ANTXR1: variants seen among roughly 807,000 people sequenced by gnomAD.
ANTXR1 encodes the protein ANTXR cell adhesion molecule 1.
A neutral mutation model predicts 78.1 loss-of-function variants in ANTXR1; 19 were observed. The observed-to-expected ratio is 0.24, with a 90% CI of 0.17 to 0.36. The LOEUF is 0.36. ANTXR1 is among the 10% of genes least tolerant of loss of function. The pLI, the probability that ANTXR1 is intolerant of heterozygous loss-of-function variation, is 1.00. For missense variants in ANTXR1, 518 were observed against 718.6 expected, an observed-to-expected ratio of 0.72 and a Z score of 3.19; for synonymous variants, 273 against 260.5, an observed-to-expected ratio of 1.05 and a Z score of -0.46.
Position 69,245,829 on chromosome 2 carries a change from G to A in ANTXR1, c.*344G>A. The A allele has an allele frequency of 4.0e-6, 1 of 249,632 alleles. No homozygotes were observed. 15.5% of individuals were successfully genotyped at this position (249,632 alleles called of 1,614,324 possible). On this transcript the variant is annotated 3_prime_UTR_variant, in exon 18 of 18. Transcript: ENST00000303714. ...TTATCTGAAGGTGAAATGCAGAGTT[G>A]GATAAGAAATACATTGCTGGGTTTC... is the stretch of plus-strand genomic sequence containing the variant.
At chr2:69,109,431 A>G (rs1313186622) in intron 10 of ANTXR1, among the ~76,000 whole-genome samples, 2 of 152,224 alleles carry the variant, frequency 1.3e-5, no homozygotes, top group African/African-American at 4.8e-5. Context: ...AAAATGTGGA[A>G]ACTCGCCCTG....
intron 17 of ANTXR1, among the ~76,000 whole-genome samples, chr2:69,228,090 G>T (rs1379873001): frequency 6.6e-6 from 1 of 152,226 alleles, no homozygotes; most frequent in Non-Finnish European, 1.5e-5. Flanking sequence ...AGCCTATTAA[G>T]AAATAAACCA....
intron 12 of ANTXR1, among the ~76,000 whole-genome samples, chr2:69,131,365 A>ATGT (rs1672739381): frequency 6.6e-6 from 1 of 152,216 alleles, no homozygotes; most frequent in African/African-American, 2.4e-5. Context: ...GGAGAGCCAC[A>ATGT]GACTTGTTCA....
chr2:69,043,406 T>C (rs976293244), intron 2 of ANTXR1, among the ~76,000 whole-genome samples: 2 of 152,140 alleles, frequency 1.3e-5, no homozygotes, highest in Non-Finnish European at 2.9e-5. Context: ...CTCAGTAAGG[T>C]TGGCCATTAT....
intron 2 of ANTXR1, among the ~76,000 whole-genome samples, chr2:69,043,741 T>A (rs1459207585): frequency 6.6e-6 from 1 of 152,154 alleles, no homozygotes; most frequent in East Asian, 1.9e-4. Flanking sequence ...GGAAAATAAT[T>A]CTGGGAGCAG....
intron 12 of ANTXR1, among the ~76,000 whole-genome samples, chr2:69,151,557 C>T (rs1409952646): frequency 6.6e-6 from 1 of 152,130 alleles, no homozygotes; most frequent in Non-Finnish European, 1.5e-5. Context: ...GTCTTCAGTG[C>T]CTTCCTCCCT....
In ANTXR1 at chr2:69,246,111, A is replaced by C. The variant is rs966370783; in HGVS notation, c.*626A>C. On this transcript the variant is annotated 3_prime_UTR_variant, in exon 18 of 18. Coordinates refer to ENST00000303714, the MANE Select transcript of ANTXR1 (RefSeq NM_032208.3). ...TCCTTGCAAATTCTTCCAGTTTCCA[A>C]GTGAGAAGGGGAGCAGGTGTTTACT... is the stretch of plus-strand genomic sequence containing the variant. 5.9e-5 allele frequency: 9 copies of C among 152,726 alleles called. No individual in the cohort carries two copies. Among genetic ancestry groups the C allele is most frequent in the Non-Finnish European group, 1.0e-4 (7 of 68,440 alleles). 9.5% of individuals were successfully genotyped at this position (152,726 alleles called of 1,614,324 possible). A position where few individuals can be genotyped will look rare whatever the true frequency, so the allele number is the denominator to read the frequency against.
intron 8 of ANTXR1, among the ~76,000 whole-genome samples, chr2:69,080,721 C>T (rs1670874888): frequency 6.6e-6 from 1 of 152,056 alleles, no homozygotes; most frequent in East Asian, 1.9e-4. Flanking sequence ...AATAACATGG[C>T]CATGAGATTA....
At chr2:69,131,896 A>G (rs915403063) in intron 12 of ANTXR1, among the ~76,000 whole-genome samples, 34 of 152,208 alleles carry the variant, frequency 2.2e-4, no homozygotes, top group African/African-American at 7.7e-4. Flanking sequence ...AACTATAACC[A>G]GCGTTCCCAG....
chr2:69,141,809 G>T (rs375266229), intron 12 of ANTXR1, among the ~76,000 whole-genome samples: 106 of 152,236 alleles, frequency 7.0e-4, no homozygotes, highest in African/African-American at 2.5e-3. Context: ...AGGACCTTAG[G>T]GCATGAAGGC....
intron 3 of ANTXR1, among the ~76,000 whole-genome samples, chr2:69,054,868 G>C (rs1670023715): frequency 2.6e-5 from 4 of 152,180 alleles, no homozygotes; most frequent in Admixed American, 2.0e-4. Context: ...AGTTGTGTGA[G>C]GGCTTGATGG....
In ANTXR1 at chr2:69,044,830, T is replaced by TC; in HGVS notation, c.296+18dup. On this transcript the variant is annotated intron_variant, in intron 3 of 17. Transcript: ENST00000303714. ...AGAAGACAGGTAAGGATACTTCTTA[T>TC]CTCTGTTGTTAAAAAGTCCATCACT... is the stretch of plus-strand genomic sequence containing the variant. 6.2e-7 allele frequency: 1 copy of TC among 1,612,394 alleles called. No individual in the cohort carries two copies. Among genetic ancestry groups the TC allele is most frequent in the Non-Finnish European group, 8.5e-7 (1 of 1,178,544 alleles).
Position 69,029,770 on chromosome 2 carries a change from C to T in ANTXR1, c.153-10274C>T, listed in dbSNP as rs116231755. Among the ~76,000 whole-genome samples the T allele has an allele frequency of 8.3e-3, 1,258 of 151,308 alleles. 16 individuals carry two copies. The highest frequency in any genetic ancestry group is 0.028 in the African/African-American group (1,160 of 41,186). Reference sequence around the variant, plus strand: ...AAAAATTACCTAAAAATATTGACATCGGAATGGAAAATATATGTGAAAAAA... The same window carrying T: ...AAAAATTACCTAAAAATATTGACATTGGAATGGAAAATATATGTGAAAAAA... On this transcript the variant is annotated intron_variant, in intron 1 of 17. Coordinates refer to ENST00000303714, the MANE Select transcript of ANTXR1 (RefSeq NM_032208.3).
chr2:69,182,049 A>G (rs1468801701), intron 15 of ANTXR1, 168 bp downstream of exon 15: 7 of 689,186 alleles, frequency 1.0e-5, no homozygotes, highest in Admixed American at 2.2e-5. Flanking sequence ...ATTGCTGAAA[A>G]CCTCCTTGAG....
intron 3 of ANTXR1, among the ~76,000 whole-genome samples, chr2:69,054,549 T>C (rs548967748): frequency 1.7e-4 from 26 of 152,114 alleles, no homozygotes; most frequent in Non-Finnish European, 2.6e-4. Flanking sequence ...CTTAAGGAGG[T>C]AGAATGGAAG....
chr2:69,027,021 A>G (rs1359506407), intron 1 of ANTXR1, among the ~76,000 whole-genome samples: 9 of 152,172 alleles, frequency 5.9e-5, no homozygotes, highest in Admixed American at 3.9e-4. Flanking sequence ...CTGTTGCCAA[A>G]TTGTAAAAAA....
intron 2 of ANTXR1, among the ~76,000 whole-genome samples, chr2:69,044,483 C>G (rs758432499): frequency 6.6e-6 from 1 of 152,112 alleles, no homozygotes; most frequent in Non-Finnish European, 1.5e-5. Flanking sequence ...CATTCTTACT[C>G]GTAATCCACA....
chr2:69,100,567 G>A (rs1671575158), intron 9 of ANTXR1, among the ~76,000 whole-genome samples: 1 of 152,182 alleles, frequency 6.6e-6, no homozygotes, highest in Non-Finnish European at 1.5e-5. Flanking sequence ...TTAGAACATG[G>A]TGTTAGAGAA....
chr2:69,047,082 G>A (rs1451528301), intron 3 of ANTXR1, among the ~76,000 whole-genome samples: 2 of 152,162 alleles, frequency 1.3e-5, no homozygotes, highest in Non-Finnish European at 2.9e-5. Context: ...TTCGCAGGAT[G>A]CAAAATCCAC....
Sources: gnomAD v4.1 joint callset for allele counts (sites outside exome capture counted in the v4.1 genomes callset) on GRCh38, gnomAD v4.1.1 for gene constraint, MANE v1.5 for transcripts, NCBI Gene and HGNC (gene_info 2026-07-23, HGNC 2026-07-21) for gene names.